The following DDX24 variants were observed in gnomAD, a reference collection of about 807,000 sequenced individuals.
DDX24 encodes DEAD-box helicase 24, also known as ATP-dependent RNA helicase DDX24.
Under a neutral mutation model 68.9 loss-of-function variants are expected in DDX24, and 24 were observed. That is an observed-to-expected ratio of 0.35 (90% CI 0.25 to 0.49). The LOEUF is 0.49. Ranked by LOEUF, DDX24 falls within the 20% of genes least tolerant of loss-of-function variation. DDX24 has a pLI of 0.99. For synonymous variants in DDX24, 395 were observed against 385.2 expected (o/e 1.03, Z -0.30); for missense variants, 989 against 1,039.0 (o/e 0.95, Z 0.66).
intron 2 of DDX24, among the ~76,000 whole-genome samples, chr14:94,077,132 T>C (rs1885959669): frequency 6.6e-6 from 1 of 152,252 alleles, no homozygotes; most frequent in Non-Finnish European, 1.5e-5. Flanking sequence ...CTGTAAGGCA[T>C]CCAGCCAATA....
intron 2 of DDX24, among the ~76,000 whole-genome samples, chr14:94,069,848 G>A (rs965203478): frequency 4.6e-5 from 7 of 152,116 alleles, no homozygotes; most frequent in Admixed American, 3.3e-4. Context: ...TGGCATACAA[G>A]GGACACACCT....
At position 94,060,326 on chromosome 14, in the gene DDX24, G is replaced by A. The variant is rs758509916; in HGVS notation, c.1685C>T (p.Thr562Met). The change falls in exon 5 of 9, where the codon ACG becomes ATG. Residue 562 changes from threonine (T) to methionine (M), a missense_variant. Coordinates refer to ENST00000621632, the MANE Select transcript of DDX24 (RefSeq NM_020414.4). Reference sequence around the variant, plus strand: ...ACAATGGATCTTGGTCTCTGTTAGCGTCTCCACCGTGGCCTCATTCCTTGT... The same window carrying A: ...ACAATGGATCTTGGTCTCTGTTAGCATCTCCACCGTGGCCTCATTCCTTGT... ...DLTRNEATVE[T>M]LTETKIHCET... The A allele has an allele frequency of 1.2e-5, 20 of 1,614,066 alleles. No homozygotes were observed. The highest frequency in any genetic ancestry group is 6.7e-5 in the East Asian group (3 of 44,882).
In DDX24 at chr14:94,079,861, G is replaced by T. The variant is rs1595382411; in HGVS notation, c.-5-114C>A. The stretch of plus-strand genomic sequence containing the variant: ...ACAAAGAACTGAGGATACAAAGATG[G>T]CTATCACACAGTTGCTCCCACCTAG... On this transcript the variant is annotated intron_variant, in intron 1 of 8. Coordinates refer to ENST00000621632, the MANE Select transcript of DDX24 (RefSeq NM_020414.4). 1.1e-5 allele frequency: 10 copies of T among 951,800 alleles called. No individual in the cohort carries two copies. The East Asian group carries it at 2.2e-4, about 20-fold the overall frequency. 59.0% of individuals were successfully genotyped at this position (951,800 alleles called of 1,614,324 possible).
At chr14:94,071,351 A>C (rs1466758281) in intron 2 of DDX24, among the ~76,000 whole-genome samples, 1 of 152,180 alleles carries the variant, frequency 6.6e-6, no homozygotes, top group Admixed American at 6.5e-5. Context: ...AAAATCAAAA[A>C]ACAGTAGATG....
intron 5 of DDX24, 142 bp from the exon 6 acceptor site, chr14:94,058,039 C>T: frequency 1.3e-6 from 1 of 765,480 alleles, no homozygotes; most frequent in South Asian, 2.0e-5. Context: ...TACAGAAAAA[C>T]TGAGGCTCGG....
In DDX24 at chr14:94,061,800, G is replaced by T. The variant is rs4900211; in HGVS notation, c.1243+297C>A. ...ACCACAGACAATATAAAACCAAATG[G>T]GTGTGGGTGTGTTCCGGCAAAACTT... On this transcript the variant is annotated intron_variant, in intron 3 of 8. Transcript: ENST00000621632. 4.1e-4 allele frequency among the ~76,000 whole-genome samples: 63 copies of T among 151,972 alleles called. 1 individual carries two copies. The highest frequency in any genetic ancestry group is 1.5e-3 in the African/African-American group (62 of 41,436).
intron 2 of DDX24, among the ~76,000 whole-genome samples, chr14:94,070,848 C>T (rs1367717648): frequency 6.6e-6 from 1 of 152,188 alleles, no homozygotes. Context: ...TCACCTTATA[C>T]AAAAATCCAC....
Position 94,061,032 on chromosome 14 carries a change from G to C in DDX24, c.1278C>G (p.Ser426=). The C allele has an allele frequency of 1.2e-6, 2 of 1,614,114 alleles. No individual in the cohort carries two copies. The highest frequency in any genetic ancestry group is 1.7e-6 in the Non-Finnish European group (2 of 1,180,020). The change falls in exon 4 of 9, where the codon TCC becomes TCG. Residue 426 remains serine (S), a synonymous_variant. Transcript: ENST00000621632. ...IKTAILVGGM[S]TQKQQRMLNR... ...TCAGCATCCTCTGCTGTTTCTGCGT[G>C]GACATTCCACCAACCAAAATAGCAG...
At chr14:94,053,178 G>A (rs1336530210) in intron 7 of DDX24, 51 bp from the exon 8 acceptor site, 8 of 1,610,692 alleles carry the variant, frequency 5.0e-6, no homozygotes, top group Non-Finnish European at 6.8e-6. Flanking sequence ...TCAGGCCTCT[G>A]GGAAGCAAAG....
intron 2 of DDX24, among the ~76,000 whole-genome samples, chr14:94,071,744 G>C (rs995169299): frequency 6.6e-6 from 1 of 152,080 alleles, no homozygotes; most frequent in Non-Finnish European, 1.5e-5. Flanking sequence ...TCGGGAGTTT[G>C]AGACCAGCCT....
At chr14:94,079,855 A>T in intron 1 of DDX24, 108 bp from the exon 2 acceptor site, 1 of 1,002,296 alleles carries the variant, frequency 1.0e-6, no homozygotes, top group South Asian at 1.5e-5. Context: ...TGAGGATACA[A>T]AGATGGCTAT....
At position 94,051,417 on chromosome 14, in the gene DDX24, A is replaced by G. The variant is rs1041930146; in HGVS notation, c.2354T>C (p.Met785Thr). ...GCGCAGCTCCTTCTTCAGAACCTTC[A>G]TCTGCTTTTGTCTCCGACGTTCTTC... is the stretch of plus-strand genomic sequence containing the variant. ...QQEERRRQKQ[M>T]KVLKKELRHL... Residue 785 changes from methionine to threonine, a missense_variant, in exon 9 of 9, where the codon ATG becomes ACG. Around this residue, in one of 3 missense-constraint regions of DDX24, gnomAD observed 691 missense variants for 760.0 expected, o/e 0.91. Transcript: ENST00000621632. 6.3e-7 allele frequency: 1 copy of G among 1,591,586 alleles called. No individual in the cohort carries two copies. The highest frequency in any genetic ancestry group is 8.5e-7 in the Non-Finnish European group (1 of 1,171,018).
At chr14:94,052,922 T>G (rs1885415578) in intron 8 of DDX24, 76 bp downstream of exon 8, 19 of 1,543,624 alleles carry the variant, frequency 1.2e-5, no homozygotes, top group Non-Finnish European at 1.6e-5. Context: ...CCCACAGTAG[T>G]AGAGATGGTT....
chr14:94,076,510 G>A (rs1175592217), intron 2 of DDX24, among the ~76,000 whole-genome samples: 1 of 151,838 alleles, frequency 6.6e-6, no homozygotes, highest in South Asian at 2.1e-4. Flanking sequence ...GTGAAACCCC[G>A]TCTCTGCTAA....
At chr14:94,080,517 A>C (rs1307256147) in intron 1 of DDX24, among the ~76,000 whole-genome samples, 1 of 152,126 alleles carries the variant, frequency 6.6e-6, no homozygotes, top group Non-Finnish European at 1.5e-5. Context: ...TGGACGTATT[A>C]ATCTCTGAGT....
intron 2 of DDX24, among the ~76,000 whole-genome samples, chr14:94,062,988 G>C (rs1170371918): frequency 6.6e-6 from 1 of 152,182 alleles, no homozygotes; most frequent in Non-Finnish European, 1.5e-5. Context: ...GGTGAGAAAG[G>C]AGTAAAAGAA....
chr14:94,076,404 C>G (rs1056915983), intron 2 of DDX24, among the ~76,000 whole-genome samples: 1 of 151,988 alleles, frequency 6.6e-6, no homozygotes, highest in Non-Finnish European at 1.5e-5. Flanking sequence ...CAAATTAGGC[C>G]GGGGACAGTG....
Position 94,079,758 on chromosome 14 carries a change from G to C in DDX24, c.-5-11C>G. The C allele has an allele frequency of 6.2e-7, 1 of 1,608,902 alleles. No homozygotes were observed. Among genetic ancestry groups the C allele is most frequent in the Non-Finnish European group, 8.5e-7 (1 of 1,177,222 alleles). On this transcript the variant is annotated splice_polypyrimidine_tract_variant and intron_variant, in intron 1 of 8. Transcript: ENST00000621632. ...TCAACTTCATGGTTGCTGAAAAGGA[G>C]ATACATGTTCTATTAGGTTGGTGTC...
chr14:94,051,055 C>A lies in DDX24; in HGVS notation c.*136G>T. The A allele has an allele frequency of 9.5e-7, 1 of 1,051,328 alleles. No homozygotes were observed. The highest frequency in any genetic ancestry group is 2.0e-5 in the South Asian group (1 of 49,928). 65.1% of individuals were successfully genotyped at this position (1,051,328 alleles called of 1,614,324 possible). A position where few individuals can be genotyped will look rare whatever the true frequency, so the allele number is the denominator to read the frequency against. On this transcript the variant is annotated 3_prime_UTR_variant, in exon 9 of 9. Coordinates refer to ENST00000621632, the MANE Select transcript of DDX24 (RefSeq NM_020414.4). ...ATGCAAATCTGCATGAGGTCTCTCCCGCTATGGGTGTGAGTGGAAGAGAGG... is the reference window on the plus strand; with the variant it reads ...ATGCAAATCTGCATGAGGTCTCTCCAGCTATGGGTGTGAGTGGAAGAGAGG...
Sources: gnomAD v4.1 joint callset for allele counts (sites outside exome capture counted in the v4.1 genomes callset) on GRCh38, gnomAD v4.1.1 for gene constraint, gnomAD v4.1.1 regional missense constraint, MANE v1.5 for transcripts, NCBI Gene and HGNC (gene_info 2026-07-23, HGNC 2026-07-21) for gene names.